The following LTC4S variants were observed in gnomAD, a reference collection of about 807,000 sequenced individuals.
LTC4S encodes the protein leukotriene C4 synthase.
LTC4S carries 18 observed loss-of-function variants against 19.6 expected under a neutral mutation model. The observed-to-expected ratio is 0.92, with a 90% CI of 0.64 to 1.36. LTC4S has a LOEUF of 1.36. Ranked by LOEUF, LTC4S falls within the 40% of genes most tolerant of loss-of-function variation. LTC4S has a pLI of 0.00. For missense variants in LTC4S, 235 were observed against 212.2 expected (o/e 1.11, Z -0.67); for synonymous variants, 126 against 110.1 (o/e 1.14, Z -0.91).
At chr5:179,796,116 G>C (rs939646971) in intron 4 of LTC4S, 94 bp downstream of exon 4, 104 of 1,295,898 alleles carry the variant, frequency 8.0e-5, no homozygotes, top group Non-Finnish European at 9.9e-5. Flanking sequence ...GGCGGGCGAC[G>C]GGCCGGAGCC....
intron 4 of LTC4S, 114 bp from the exon 5 acceptor site, chr5:179,796,139 G>A: frequency 7.9e-7 from 1 of 1,259,672 alleles, no homozygotes; most frequent in Non-Finnish European, 1.0e-6. Flanking sequence ...GCGCCTTTGG[G>A]GATTCGGTGG....
At chr5:179,796,188 C>A in intron 4 of LTC4S, 65 bp from the exon 5 acceptor site, 1 of 1,329,006 alleles carries the variant, frequency 7.5e-7, no homozygotes, top group Non-Finnish European at 9.9e-7. Flanking sequence ...CCCCGTGGGG[C>A]CAGGGTTGCG....
intron 3 of LTC4S, 33 bp from the exon 4 acceptor site, chr5:179,795,908 G>A (rs1256186750): frequency 6.3e-6 from 10 of 1,587,392 alleles, no homozygotes; most frequent in Non-Finnish European, 7.7e-6. Context: ...ACCCGCGCAG[G>A]GCGCTCACCA....
chr5:179,795,050 G>A (rs1012926012), intron 1 of LTC4S, among the ~76,000 whole-genome samples: 1 of 152,162 alleles, frequency 6.6e-6, no homozygotes, highest in African/African-American at 2.4e-5. Context: ...GCACAGGGAC[G>A]CAGGCTTTAG....
chr5:179,796,150 G>A (rs1756615455), intron 4 of LTC4S, 103 bp from the exon 5 acceptor site: 10 of 1,255,268 alleles, frequency 8.0e-6, no homozygotes, highest in African/African-American at 1.6e-5. Context: ...GATTCGGTGG[G>A]CGAGCCCTGG....
intron 4 of LTC4S, 61 bp from the exon 5 acceptor site, chr5:179,796,192 G>C (rs1177806363): frequency 1.5e-6 from 2 of 1,341,446 alleles, no homozygotes; most frequent in Admixed American, 2.9e-5. Flanking sequence ...GTGGGGCCAG[G>C]GTTGCGGCGG....
At chr5:179,796,092 G>T (rs1182484348) in intron 4 of LTC4S, 70 bp downstream of exon 4, 1 of 1,382,204 alleles carries the variant, frequency 7.2e-7, no homozygotes, top group African/African-American at 1.5e-5. Context: ...CTGGGGAGCG[G>T]GACCGAAGCT....
chr5:179,796,386 T>C lies in LTC4S; in HGVS notation c.445T>C (p.Trp149Arg). ...CGGACGGCTCCGGACGCTGCTGCCG[T>C]GGGCCTGAGACCAAGGCCCCCGGGC... ...LLGRLRTLLP[W>R]A The change falls in exon 5 of 5, where the codon TGG (tryptophan) becomes CGG (arginine). Residue 149 changes from tryptophan (W) to arginine (R), a missense_variant. By Grantham distance (101) the Trp-to-Arg change is moderately radical. Transcript: ENST00000292596. 1 of 1,497,670 alleles carries C rather than the reference T, an allele frequency of 6.7e-7. No homozygotes were observed. Among genetic ancestry groups the C allele is most frequent in the Non-Finnish European group, 8.8e-7 (1 of 1,130,990 alleles). 92.8% of individuals were successfully genotyped at this position (1,497,670 alleles called of 1,614,324 possible). A position where few individuals can be genotyped will look rare whatever the true frequency, so the allele number is the denominator to read the frequency against.
In LTC4S at chr5:179,796,404, C is replaced by A; in HGVS notation, c.*10C>A. ...GCTGCCGTGGGCCTGAGACCAAGGC[C>A]CCCGGGCCGACGGAGCCGGGAAAGA... On this transcript the variant is annotated 3_prime_UTR_variant, in exon 5 of 5. Transcript: ENST00000292596. 1 of 1,482,236 alleles carries A rather than the reference C, an allele frequency of 6.7e-7. No individual in the cohort carries two copies. Among genetic ancestry groups the A allele is most frequent in the Non-Finnish European group, 8.9e-7 (1 of 1,122,556 alleles). 91.8% of individuals were successfully genotyped at this position (1,482,236 alleles called of 1,614,324 possible).
In LTC4S at chr5:179,794,111, G is replaced by A. The variant is rs758495959; in HGVS notation, c.31G>A (p.Val11Ile). The change falls in exon 1 of 5, where the codon GTC becomes ATC. Residue 11 changes from valine (V) to isoleucine (I), a missense_variant. Coordinates refer to ENST00000292596, the MANE Select transcript of LTC4S (RefSeq NM_145867.2). MKDEVALLAA[V>I]TLLGVLLQAY... is the part of the protein sequence containing the mutation. ...GGACGAGGTAGCTCTACTGGCTGCT[G>A]TCACCCTCCTGGGAGTCCTGCTGCA... The A allele has an allele frequency of 1.9e-5, 31 of 1,613,480 alleles. No individual in the cohort carries two copies. The highest frequency in any genetic ancestry group is 2.5e-6 in the Non-Finnish European group (3 of 1,179,978).
At chr5:179,795,462 G>A (rs931252095) in intron 1 of LTC4S, 122 bp from the exon 2 acceptor site, 108 of 1,506,204 alleles carry the variant, frequency 7.2e-5, no homozygotes, top group Non-Finnish European at 8.9e-5. Flanking sequence ...GAGGGGGCGG[G>A]GTTCCGCCTT....
chr5:179,795,284 C>A, intron 1 of LTC4S: 1 of 954,066 alleles, frequency 1.0e-6, no homozygotes, highest in Non-Finnish European at 1.4e-6. Flanking sequence ...AGTGGTCTCT[C>A]TCGCGGAGCA....
At chr5:179,794,869 C>T (rs2113411226) in intron 1 of LTC4S, among the ~76,000 whole-genome samples, 1 of 152,344 alleles carries the variant, frequency 6.6e-6, no homozygotes, top group South Asian at 2.1e-4. Context: ...AGGGCTCCTG[C>T]CCACAGAGAA....
In LTC4S at chr5:179,795,687, A is replaced by G; in HGVS notation, c.158+4A>G. On this transcript the variant is annotated splice_donor_region_variant and intron_variant, in intron 2 of 4. Transcript: ENST00000292596. ...TCGAGCGCGTCTACCGAGCCCAGTG[A>G]GGCGCGGCGGGAGGGCGCGGGGCGG... is the stretch of plus-strand genomic sequence containing the variant. The G allele has an allele frequency of 1.3e-6, 2 of 1,594,392 alleles. No individual in the cohort carries two copies. Among genetic ancestry groups the G allele is most frequent in the Non-Finnish European group, 1.7e-6 (2 of 1,172,444 alleles).
intron 1 of LTC4S, among the ~76,000 whole-genome samples, chr5:179,795,068 G>A (rs1394097108): frequency 1.3e-5 from 2 of 152,132 alleles, no homozygotes; most frequent in Non-Finnish European, 2.9e-5. Flanking sequence ...TAGTGATCCC[G>A]GCCTGAGGCA....
Position 179,795,535 on chromosome 5 carries a change from TG to T in LTC4S, c.59-45del, listed in dbSNP as rs759509233. 167 of 1,567,750 alleles carry T rather than the reference TG, an allele frequency of 1.1e-4. No homozygotes were observed. In the African/African-American group the frequency reaches 2.0e-3, roughly 19 times the overall value. On this transcript the variant is annotated intron_variant, in intron 1 of 4. Coordinates refer to ENST00000292596, the MANE Select transcript of LTC4S (RefSeq NM_145867.2). ...GCAGGATCCCTCCCACTCCCATCTC[TG>T]GGGCTTCGGGTGTCCAGACCTGACT...
chr5:179,794,865 C>T (rs1756557847), intron 1 of LTC4S, among the ~76,000 whole-genome samples: 1 of 152,210 alleles, frequency 6.6e-6, no homozygotes, highest in African/African-American at 2.4e-5. Flanking sequence ...GAGAAGGGCT[C>T]CTGCCCACAG....
chr5:179,796,048 G>GGGGCC (rs1266570106), intron 4 of LTC4S, 26 bp downstream of exon 4: 2 of 1,500,016 alleles, frequency 1.3e-6, no homozygotes, highest in African/African-American at 1.4e-5. Context: ...GGAGCGGGGC[G>GGGGCC]GGGCCGGGGA....
Position 179,796,389 on chromosome 5 carries a change from G to A in LTC4S, c.448G>A (p.Ala150Thr). The change falls in exon 5 of 5, where the codon GCC becomes ACC. Residue 150 changes from alanine (A) to threonine (T), a missense_variant. Physicochemically the swap from Ala to Thr is moderately conservative, Grantham distance 58 (BLOSUM62 0). Transcript: ENST00000292596. ...LGRLRTLLPW[A>T] is the part of the protein sequence containing the mutation. The stretch of plus-strand genomic sequence containing the variant: ...ACGGCTCCGGACGCTGCTGCCGTGG[G>A]CCTGAGACCAAGGCCCCCGGGCCGA... The A allele has an allele frequency of 1.3e-6, 2 of 1,495,834 alleles. No homozygotes were observed. The highest frequency in any genetic ancestry group is 1.4e-5 in the African/African-American group (1 of 69,064). The allele number at this position is 1,495,834 out of a possible 1,614,324, so 92.7% of individuals were successfully genotyped here.
Sources: allele counts gnomAD v4.1 joint callset (sites outside exome capture counted in the v4.1 genomes callset), GRCh38; gene constraint gnomAD v4.1.1; transcripts MANE v1.5; gene names NCBI Gene and HGNC (gene_info 2026-07-23, HGNC 2026-07-21).